The following PXN variants were observed in gnomAD, a reference collection of about 807,000 sequenced individuals.
PXN encodes paxillin.
In PXN, 61 loss-of-function variants were observed where a neutral mutation model predicts 103.6. The observed-to-expected ratio is 0.59, with a 90% CI of 0.48 to 0.73. The LOEUF is 0.73. Ranked by LOEUF, PXN falls within the 30% of genes least tolerant of loss-of-function variation. The pLI, the probability that PXN is intolerant of heterozygous loss-of-function variation, is 0.00. For synonymous variants in PXN, 562 were observed against 607.8 expected, an observed-to-expected ratio of 0.92 and a Z score of 1.11; for missense variants, 1,274 against 1,460.3, an observed-to-expected ratio of 0.87 and a Z score of 2.08.
Position 120,212,606 on chromosome 12 carries a change from G to A in PXN, c.2980-26C>T. The A allele has an allele frequency of 1.9e-6, 3 of 1,603,366 alleles. No individual in the cohort carries two copies. The highest frequency in any genetic ancestry group is 2.2e-5 in the East Asian group (1 of 44,724). ...CTGCCAGGCGGAGAGAGGGGCTCAG[G>A]GAGCTGCCCCTCGGGCTAGAGCTGC... On this transcript the variant is annotated intron_variant, in intron 14 of 14. Transcript: ENST00000637617. This position sits in a 1 kb window ranked among gnomAD's most constrained non-coding sequence, Gnocchi z 7.2.
intron 1 of PXN, among the ~76,000 whole-genome samples, chr12:120,258,343 T>C (rs1178035643): frequency 2.0e-5 from 3 of 152,188 alleles, no homozygotes; most frequent in Non-Finnish European, 4.4e-5. Flanking sequence ...TCCACACCTA[T>C]GGACACACAC....
In PXN at chr12:120,214,935, C is replaced by T; in HGVS notation, c.2638G>A (p.Glu880Lys). Residue 880 changes from glutamate to lysine, a missense_variant, in exon 12 of 15, where the codon GAG becomes AAG. By Grantham distance (56) the Glu-to-Lys change is moderately conservative (BLOSUM62 1). Transcript: ENST00000637617. This position sits in a 1 kb window ranked among gnomAD's most constrained non-coding sequence, Gnocchi z 5.0. The stretch of plus-strand genomic sequence containing the variant: ...TCGAAGAAGTTCCGGGATCCGATCT[C>T]CTCCTGGCAGTGGGTGCAGACGAAG... Reference protein sequence around the residue: ...EHFVCTHCQEEIGSRNFFERD... With the variant: ...EHFVCTHCQEKIGSRNFFERD... 6.2e-7 allele frequency: 1 copy of T among 1,614,004 alleles called. No homozygotes were observed. Among genetic ancestry groups the T allele is most frequent in the Non-Finnish European group, 8.5e-7 (1 of 1,179,846 alleles).
intron 7 of PXN, among the ~76,000 whole-genome samples, chr12:120,218,227 A>G (rs1220620990): frequency 1.3e-5 from 2 of 151,484 alleles, no homozygotes; most frequent in Non-Finnish European, 2.9e-5. Context: ...AATTTTTTGT[A>G]GAGACAGGGT....
chr12:120,212,500 C>T lies in PXN; in HGVS notation c.3060G>A (p.Arg1020=), dbSNP rs1241309273. Residue 1020 remains arginine (R), a synonymous_variant, in exon 15 of 15, where the codon CGG becomes CGA. Coordinates refer to ENST00000637617, the MANE Select transcript of PXN (RefSeq NM_001385981.1). The surrounding 1 kb of genome is among the most constrained non-coding windows in gnomAD (Gnocchi z 7.2). ...QPYCEVHYHE[R]RGSLCSGCQK... ...GGCAGCCAGAACACAGCGAGCCGCG[C>T]CGCTCGTGGTAGTGCACCTCACAGT... The T allele has an allele frequency of 6.2e-7, 1 of 1,613,838 alleles. No individual in the cohort carries two copies. The highest frequency in any genetic ancestry group is 8.5e-7 in the Non-Finnish European group (1 of 1,179,900).
rs1319779287 is a variant in PXN at position 120,229,266 on chromosome 12, C to A, written c.14-4889G>T. Among the ~76,000 whole-genome samples the A allele has an allele frequency of 1.3e-5, 2 of 152,148 alleles. No individual in the cohort carries two copies. The highest frequency in any genetic ancestry group is 2.9e-5 in the Non-Finnish European group (2 of 68,032). On this transcript the variant is annotated intron_variant, in intron 1 of 14. Coordinates refer to ENST00000637617, the MANE Select transcript of PXN (RefSeq NM_001385981.1). This position sits in a 1 kb window ranked among gnomAD's most constrained non-coding sequence, Gnocchi z 4.0. Reference sequence around the variant, plus strand: ...TCAATTAAAACCTTCCGCCCCCACCCCCGACTGCAGCACAGAAACAAGCCA... The same window carrying A: ...TCAATTAAAACCTTCCGCCCCCACCACCGACTGCAGCACAGAAACAAGCCA...
At position 120,222,534 on chromosome 12, in the gene PXN, C is replaced by A; in HGVS notation, c.695+15G>T. ...CAGCCCTTCCCCACCTGGGGAGGGC[C>A]CAGTGGGTACTCACACGGGGCTGGG... On this transcript the variant is annotated intron_variant, in intron 5 of 14. Transcript: ENST00000637617. This position sits in a 1 kb window ranked among gnomAD's most constrained non-coding sequence, Gnocchi z 4.7. 1.3e-6 allele frequency: 2 copies of A among 1,581,578 alleles called. No homozygotes were observed. Among genetic ancestry groups the A allele is most frequent in the East Asian group, 4.6e-5 (2 of 43,018 alleles).
At position 120,224,791 on chromosome 12, in the gene PXN, A is replaced by G. The variant is rs59159546; in HGVS notation, c.14-414T>C. 5,898 of 463,772 alleles carry G rather than the reference A, an allele frequency of 0.013. 251 individuals carry two copies. The highest frequency in any genetic ancestry group is 0.1 in the African/African-American group (5,063 of 50,508). 28.7% of individuals were successfully genotyped at this position (463,772 alleles called of 1,614,324 possible). A position where few individuals can be genotyped will look rare whatever the true frequency, so the allele number is the denominator to read the frequency against. On this transcript the variant is annotated intron_variant, in intron 1 of 14. Transcript: ENST00000637617. The surrounding 1 kb of genome is among the most constrained non-coding windows in gnomAD (Gnocchi z 5.0). Reference sequence around the variant, plus strand: ...CACGTCACAGGGAGGGGCCCTGGCTATGCCAGGCCCTCACTTGATTTCTAA... The same window carrying G: ...CACGTCACAGGGAGGGGCCCTGGCTGTGCCAGGCCCTCACTTGATTTCTAA...
chr12:120,264,947 C>T (rs1291995013), intron 1 of PXN, among the ~76,000 whole-genome samples: 1 of 151,936 alleles, frequency 6.6e-6, no homozygotes, highest in Non-Finnish European at 1.5e-5. Context: ...ACGGGGTGAC[C>T]AGATTTGAAG....
chr12:120,239,798 A>G (rs1163733565), intron 1 of PXN, among the ~76,000 whole-genome samples: 2 of 152,148 alleles, frequency 1.3e-5, no homozygotes, highest in Non-Finnish European at 2.9e-5. Flanking sequence ...AATCTGAGCT[A>G]ATCTGAATAA....
At chr12:120,231,119 C>A (rs1594440859) in intron 1 of PXN, among the ~76,000 whole-genome samples, 2 of 152,194 alleles carry the variant, frequency 1.3e-5, no homozygotes, top group Admixed American at 1.3e-4. Flanking sequence ...CCAGGCCCAG[C>A]GGATGAGTGG....
chr12:120,262,164 C>T (rs1893978261), intron 1 of PXN, among the ~76,000 whole-genome samples: 1 of 152,138 alleles, frequency 6.6e-6, no homozygotes. Context: ...CTCTGCCCCC[C>T]TAGCACTACC....
chr12:120,244,610 T>C (rs1306190977), intron 1 of PXN, among the ~76,000 whole-genome samples: 1 of 147,108 alleles, frequency 6.8e-6, no homozygotes, highest in Non-Finnish European at 1.5e-5. Context: ...ATCGCACCAC[T>C]GCACTCCAGC....
intron 1 of PXN, among the ~76,000 whole-genome samples, chr12:120,251,681 G>A (rs1420641355): frequency 1.3e-5 from 2 of 151,894 alleles, no homozygotes; most frequent in African/African-American, 4.8e-5. Context: ...GCTGGGCGTG[G>A]TCGTGGGCGC....
chr12:120,226,173 A>G, intron 1 of PXN: 1 of 1,208,552 alleles, frequency 8.3e-7, no homozygotes. Context: ...GGCTTCACGC[A>G]GTGTCCTCAT....
Position 120,265,659 on chromosome 12 carries a change from G to C in PXN, c.-30C>G, listed in dbSNP as rs2136775926. The C allele has an allele frequency of 6.9e-7, 1 of 1,458,892 alleles. No individual in the cohort carries two copies. The allele number at this position is 1,458,892 out of a possible 1,614,324, so 90.4% of individuals were successfully genotyped here. A position where few individuals can be genotyped will look rare whatever the true frequency, so the allele number is the denominator to read the frequency against. ...GGACCACGGGCGCCGGCTCAGGGTCGCGCTAGCTGCCCGTCCCGGGGCCGC... is the reference window on the plus strand; with the variant it reads ...GGACCACGGGCGCCGGCTCAGGGTCCCGCTAGCTGCCCGTCCCGGGGCCGC... On this transcript the variant is annotated 5_prime_UTR_variant, in exon 1 of 15. Coordinates refer to ENST00000637617, the MANE Select transcript of PXN (RefSeq NM_001385981.1). This position sits in a 1 kb window ranked among gnomAD's most constrained non-coding sequence, Gnocchi z 5.7.
At chr12:120,257,575 A>T (rs1260652106) in intron 1 of PXN, among the ~76,000 whole-genome samples, 2 of 152,202 alleles carry the variant, frequency 1.3e-5, no homozygotes, top group Non-Finnish European at 2.9e-5. Flanking sequence ...CCTCTGCCTC[A>T]GAGCCAAGAG....
chr12:120,261,083 GACT>G (rs1893811461), intron 1 of PXN, among the ~76,000 whole-genome samples: 1 of 152,140 alleles, frequency 6.6e-6, no homozygotes, highest in Non-Finnish European at 1.5e-5. Context: ...GTAGTAATAC[GACT>G]ACTAATAAAA....
At position 120,229,538 on chromosome 12, in the gene PXN, CT is replaced by C. The variant is rs1363389808; in HGVS notation, c.14-5162del. Among the ~76,000 whole-genome samples the C allele has an allele frequency of 2.0e-5, 3 of 152,180 alleles. No homozygotes were observed. The highest frequency in any genetic ancestry group is 1.3e-4 in the Admixed American group (2 of 15,286). On this transcript the variant is annotated intron_variant, in intron 1 of 14. Coordinates refer to ENST00000637617, the MANE Select transcript of PXN (RefSeq NM_001385981.1). This position sits in a 1 kb window ranked among gnomAD's most constrained non-coding sequence, Gnocchi z 4.0. ...TCAATGGCTGAACTGCTCGGATAGG[CT>C]GCTTAACTGCTTTTGTGCCTCAGTT...
chr12:120,214,993 C>G lies in PXN; in HGVS notation c.2580G>C (p.Val860=). The change falls in exon 12 of 15, where the codon GTG becomes GTC. Residue 860 remains valine, a synonymous_variant. Transcript: ENST00000637617. The surrounding 1 kb of genome is among the most constrained non-coding windows in gnomAD (Gnocchi z 5.0). ...GGTGCCACGTCTTCCCCATGGCGGT[C>G]ACAACCTGAGGAGGAGATGGAATGC... ...ACKKPIAGQV[V]TAMGKTWHPE... 6.2e-7 allele frequency: 1 copy of G among 1,613,256 alleles called. No individual in the cohort carries two copies.
Sources: allele counts gnomAD v4.1 joint callset (sites outside exome capture counted in the v4.1 genomes callset), GRCh38; gene constraint gnomAD v4.1.1; non-coding constraint Gnocchi (gnomAD v3.1); transcripts MANE v1.5; gene names NCBI Gene and HGNC (gene_info 2026-07-23, HGNC 2026-07-21).